KDM4C: variants seen among roughly 807,000 people sequenced by gnomAD.
The protein encoded by KDM4C is lysine-specific demethylase 4C.
In KDM4C, 81 loss-of-function variants were observed where a neutral mutation model predicts 129.3. The observed-to-expected ratio is 0.63, with a 90% CI of 0.52 to 0.75. KDM4C has a LOEUF of 0.75. KDM4C is among the 30% of genes least tolerant of loss of function. The probability of loss-of-function intolerance (pLI) is 0.00; values close to 1 mark genes in which losing one functional copy is unlikely to be tolerated. For missense variants in KDM4C, 1,457 were observed against 1,304.0 expected (o/e 1.12, Z -1.81); for synonymous variants, 573 against 456.1 (o/e 1.26, Z -3.26).
Position 6,974,410 on chromosome 9 carries a change from AG to A in KDM4C, c.922-6514del, listed in dbSNP as rs543670782. On this transcript the variant is annotated intron_variant, in intron 8 of 21. Transcript: ENST00000381309. ...AGTCTTACTCTGTCGTCCAGGCTGG[AG>A]TGCAGTTGTGCGACCGCGGCTCACT... 2.6e-3 allele frequency among the ~76,000 whole-genome samples: 398 copies of A among 152,228 alleles called. 1 individual carries two copies. The highest frequency in any genetic ancestry group is 9.1e-3 in the African/African-American group (378 of 41,526).
chr9:7,015,706 C>T, intron 14 of KDM4C, 147 bp from the exon 15 acceptor site: 1 of 443,762 alleles, frequency 2.3e-6, no homozygotes, highest in East Asian at 3.7e-5. Context: ...GACTCACATT[C>T]ACCTTGCTTA....
intron 4 of KDM4C, among the ~76,000 whole-genome samples, chr9:6,840,136 A>AGTGGG (rs1179909068): frequency 6.2e-5 from 9 of 144,550 alleles, no homozygotes; most frequent in South Asian, 2.3e-4. Context: ...GCAGTGCCAC[A>AGTGGG]ATCATGGCTC....
chr9:6,756,622 C>G (rs755815909), upstream of KDM4C, among the ~76,000 whole-genome samples: 20 of 152,168 alleles, frequency 1.3e-4, no homozygotes, highest in Non-Finnish European at 2.2e-4. Context: ...GAGGCTGAGG[C>G]AGGAGAATCT....
At chr9:7,120,605 A>G (rs2133288328) in intron 18 of KDM4C, among the ~76,000 whole-genome samples, 1 of 152,354 alleles carries the variant, frequency 6.6e-6, no homozygotes, top group East Asian at 1.9e-4. Flanking sequence ...ATTTGATTGA[A>G]ACAACATGTC....
At chr9:6,745,526 T>A (rs1029752955) in intron 1 of KDM4C, among the ~76,000 whole-genome samples, 2 of 136,946 alleles carry the variant, frequency 1.5e-5, no homozygotes, top group East Asian at 2.2e-4. Flanking sequence ...TAGCTCAGGA[T>A]CACAGAGGAG....
intron 3 of KDM4C, among the ~76,000 whole-genome samples, chr9:6,809,250 A>G (rs954005253): frequency 2.0e-5 from 3 of 152,252 alleles, no homozygotes; most frequent in African/African-American, 7.2e-5. Flanking sequence ...AATCGAGAAC[A>G]TGAAACTTTC....
intron 8 of KDM4C, among the ~76,000 whole-genome samples, chr9:6,964,675 G>A (rs1181230187): frequency 1.3e-5 from 2 of 151,422 alleles, no homozygotes; most frequent in African/African-American, 2.4e-5. Flanking sequence ...CCAGCTACTC[G>A]TGAGGCTGAG....
chr9:6,897,071 T>C (rs1816581518), intron 8 of KDM4C, among the ~76,000 whole-genome samples: 1 of 152,254 alleles, frequency 6.6e-6, no homozygotes, highest in South Asian at 2.1e-4. Context: ...GGATGTTTGA[T>C]ATTCTCAGCT....
intron 17 of KDM4C, among the ~76,000 whole-genome samples, chr9:7,054,266 G>T (rs1435654710): frequency 6.6e-6 from 1 of 152,160 alleles, no homozygotes; most frequent in African/African-American, 2.4e-5. Flanking sequence ...GAAAGAAAAA[G>T]AATTGACCCC....
chr9:6,780,347 G>A (rs1010084556), intron 1 of KDM4C, among the ~76,000 whole-genome samples: 21 of 114,990 alleles, frequency 1.8e-4, no homozygotes, highest in African/African-American at 6.2e-4. Context: ...AACGAGGTGT[G>A]GGAATTATAA....
Position 6,758,980 on chromosome 9 carries a change from C to G in KDM4C, c.-18+777C>G, listed in dbSNP as rs1818844436. Among the ~76,000 whole-genome samples, 1 of 152,136 alleles carries G rather than the reference C, an allele frequency of 6.6e-6. No homozygotes were observed. The highest frequency in any genetic ancestry group is 1.9e-4 in the East Asian group (1 of 5,190). ...GGGATTCAGATGCTTTCCGCGTGGACTTGATGCTGGGCTCCCCCTTTGCTG... is the reference window on the plus strand; with the variant it reads ...GGGATTCAGATGCTTTCCGCGTGGAGTTGATGCTGGGCTCCCCCTTTGCTG... On this transcript the variant is annotated intron_variant, in intron 1 of 21. Coordinates refer to ENST00000381309, the MANE Select transcript of KDM4C (RefSeq NM_015061.6). This position sits in a 1 kb window ranked among gnomAD's most constrained non-coding sequence, Gnocchi z 4.6.
intron 8 of KDM4C, among the ~76,000 whole-genome samples, chr9:6,921,791 AC>A (rs1192208521): frequency 4.7e-5 from 7 of 149,672 alleles, no homozygotes; most frequent in Non-Finnish European, 7.4e-5. Flanking sequence ...CCCAACCCCT[AC>A]CCCCCATCTT....
intron 12 of KDM4C, among the ~76,000 whole-genome samples, chr9:6,991,207 C>G (rs567997168): frequency 1.4e-4 from 21 of 152,054 alleles, no homozygotes; most frequent in Admixed American, 1.4e-3. Context: ...GCCTCCCAAG[C>G]AGCTGGGACC....
chr9:6,939,968 ACCTACCTACCTT>A (rs1825565493), intron 8 of KDM4C, among the ~76,000 whole-genome samples: 1 of 122,394 alleles, frequency 8.2e-6, no homozygotes, highest in African/African-American at 2.9e-5. Context: ...CAACCTACCT[ACCTACCTACCTT>A]CCTTCCTTCC....
intron 4 of KDM4C, among the ~76,000 whole-genome samples, chr9:6,822,579 C>T (rs1338513476): frequency 6.6e-6 from 1 of 152,184 alleles, no homozygotes; most frequent in Admixed American, 6.5e-5. Context: ...ACATAAGGAA[C>T]TTAAGATCTG....
intron 18 of KDM4C, among the ~76,000 whole-genome samples, chr9:7,123,665 T>C (rs1389490577): frequency 6.6e-6 from 1 of 152,192 alleles, no homozygotes; most frequent in Admixed American, 6.6e-5. Context: ...ATTAAAGGGA[T>C]GGTAACTGAA....
In KDM4C at chr9:6,746,082, A is replaced by G. The variant is rs536040831; in HGVS notation, c.49+25085A>G. Among the ~76,000 whole-genome samples, 5 of 151,994 alleles carry G rather than the reference A, an allele frequency of 3.3e-5. No individual in the cohort carries two copies. The East Asian group carries it at 7.7e-4, about 24-fold the overall frequency. On this transcript the variant is annotated intron_variant, in intron 1 of 17. Transcript: ENST00000536108. ...CAGCCTCCCAAAGTGCTGGGATTACAGGCATGAGCCACCGCGCCCAGCATA... is the reference window on the plus strand; with the variant it reads ...CAGCCTCCCAAAGTGCTGGGATTACGGGCATGAGCCACCGCGCCCAGCATA...
chr9:7,049,304 T>C (rs898929376), intron 17 of KDM4C, 104 bp downstream of exon 17: 3 of 532,726 alleles, frequency 5.6e-6, no homozygotes, highest in Non-Finnish European at 3.3e-6. Context: ...TCTCCTAGCT[T>C]TCTTTTATTT....
intron 20 of KDM4C, among the ~76,000 whole-genome samples, chr9:7,166,460 GTGTGTC>G (rs61137957): frequency 0.57 from 86,261 of 151,426 alleles, 24,570 homozygotes; most frequent in East Asian, 0.6. Flanking sequence ...ATGTGTGTAT[GTGTGTC>G]TGTGTGTGTA....
Sources: gnomAD v4.1 joint callset for allele counts (sites outside exome capture counted in the v4.1 genomes callset) on GRCh38, gnomAD v4.1.1 for gene constraint, Gnocchi (gnomAD v3.1) non-coding constraint, MANE v1.5 for transcripts, NCBI Gene and HGNC (gene_info 2026-07-23, HGNC 2026-07-21) for gene names.